The following SLC12A9 variants were observed in gnomAD, a reference collection of about 807,000 sequenced individuals.
The protein encoded by SLC12A9 is solute carrier family 12 member 9, also known as CCC-interacting protein 1.
A neutral mutation model predicts 66.0 loss-of-function variants in SLC12A9; 55 were observed. The observed-to-expected ratio is 0.83, with a 90% CI of 0.67 to 1.04. The LOEUF is 1.04. Ranked by LOEUF, SLC12A9 falls within the 50% of genes least tolerant of loss-of-function variation. SLC12A9 has a pLI of 0.00. For synonymous variants in SLC12A9, 577 were observed against 569.0 expected (o/e 1.01, Z -0.20); for missense variants, 1,061 against 1,241.9 (o/e 0.85, Z 2.19).
At chr7:100,852,053 G>T (rs1374138581), upstream of SLC12A9, among the ~76,000 whole-genome samples, 1 of 152,190 alleles carries the variant, frequency 6.6e-6, no homozygotes, top group Non-Finnish European at 1.5e-5. Context: ...CTGTTCATGG[G>T]ATCTGTAAAG....
intron 1 of SLC12A9, chr7:100,827,059 A>G: frequency 6.4e-7 from 1 of 1,565,228 alleles, no homozygotes; most frequent in Middle Eastern, 1.7e-4. Context: ...TAGGATCCGA[A>G]CTGAGTTTGG....
intron 3 of SLC12A9, 86 bp from the exon 4 acceptor site, chr7:100,855,620 T>C: frequency 6.3e-7 from 1 of 1,588,332 alleles, no homozygotes; most frequent in Non-Finnish European, 8.6e-7. Flanking sequence ...CTGGCTGCAC[T>C]TGGGTTCAGT....
At chr7:100,859,399 A>C in intron 7 of SLC12A9, 1 of 550,618 alleles carries the variant, frequency 1.8e-6, no homozygotes, top group Non-Finnish European at 3.3e-6. Context: ...TTCCACAAAT[A>C]TTTGGCCTCT....
chr7:100,855,412 G>T, intron 3 of SLC12A9: 1 of 347,264 alleles, frequency 2.9e-6, no homozygotes, highest in East Asian at 8.7e-5. Context: ...GTCAGCCACT[G>T]TGCCTGGCCT....
intron 1 of SLC12A9, among the ~76,000 whole-genome samples, chr7:100,832,857 C>G (rs1432255628): frequency 6.6e-6 from 1 of 151,990 alleles, no homozygotes; most frequent in East Asian, 1.9e-4. Flanking sequence ...CTCACTGCAG[C>G]CTCGAACTCC....
chr7:100,860,403 G>A (rs773677706), intron 9 of SLC12A9, 171 bp downstream of exon 9: 17 of 691,272 alleles, frequency 2.5e-5, no homozygotes, highest in Non-Finnish European at 4.1e-5. Flanking sequence ...CCAGCACCTT[G>A]CAGGTTGCCC....
upstream of SLC12A9, among the ~76,000 whole-genome samples, chr7:100,849,981 T>C (rs1328056662): frequency 1.3e-5 from 2 of 151,896 alleles, no homozygotes; most frequent in African/African-American, 4.8e-5. Flanking sequence ...CAAGTGATTC[T>C]CCCACGTCAG....
chr7:100,828,925 G>A (rs553486798), intron 1 of SLC12A9, among the ~76,000 whole-genome samples: 1 of 152,114 alleles, frequency 6.6e-6, no homozygotes, highest in African/African-American at 2.4e-5. Context: ...GCTGCTCCAG[G>A]AGTCAGCCCC....
At chr7:100,831,577 G>A (rs371467455) in intron 1 of SLC12A9, among the ~76,000 whole-genome samples, 6 of 152,166 alleles carry the variant, frequency 3.9e-5, no homozygotes, top group Admixed American at 6.5e-5. Flanking sequence ...TCCTGGGCTC[G>A]AGCAATCTTT....
At position 100,854,384 on chromosome 7, in the gene SLC12A9, T is replaced by G. The variant is rs750614712; in HGVS notation, c.181+6T>G. 6.2e-7 allele frequency: 1 copy of G among 1,612,636 alleles called. No homozygotes were observed. Among genetic ancestry groups the G allele is most frequent in the South Asian group, 1.1e-5 (1 of 90,952 alleles). On this transcript the variant is annotated splice_donor_region_variant and intron_variant, in intron 2 of 13. Coordinates refer to ENST00000354161, the MANE Select transcript of SLC12A9 (RefSeq NM_020246.4). ...AGTTGTTTTTCTGAGGATTGGTGAGTGGGTCCTGGGGCGGGTGTGGACTGA... is the reference window on the plus strand; with the variant it reads ...AGTTGTTTTTCTGAGGATTGGTGAGGGGGTCCTGGGGCGGGTGTGGACTGA...
chr7:100,846,911 A>G (rs1475920832), intron 1 of SLC12A9, among the ~76,000 whole-genome samples: 1 of 152,180 alleles, frequency 6.6e-6, no homozygotes, highest in Non-Finnish European at 1.5e-5. Flanking sequence ...TAGACATTGT[A>G]TAGAAAAGCA....
chr7:100,840,537 C>T (rs1353883584), intron 1 of SLC12A9, among the ~76,000 whole-genome samples: 1 of 151,730 alleles, frequency 6.6e-6, no homozygotes, highest in African/African-American at 2.4e-5. Context: ...AGAACAGCAG[C>T]ATAAGTGGCT....
At chr7:100,848,748 T>G (rs1275023516), upstream of SLC12A9, among the ~76,000 whole-genome samples, 1 of 151,544 alleles carries the variant, frequency 6.6e-6, no homozygotes, top group East Asian at 2.0e-4. Context: ...TAGCCGTGCG[T>G]GGTGGCGGGA....
Position 100,861,155 on chromosome 7 carries a change from G to A in SLC12A9, c.1236G>A (p.Gly412=), listed in dbSNP as rs1333235187. Residue 412 remains glycine, a synonymous_variant, in exon 10 of 14, where the codon GGG becomes GGA. Coordinates refer to ENST00000354161, the MANE Select transcript of SLC12A9 (RefSeq NM_020246.4). This position sits in a 1 kb window ranked among gnomAD's most constrained non-coding sequence, Gnocchi z 5.3. ...WGLVQLVLLA[G]KLNTLAAVVT... Reference sequence around the variant, plus strand: ...TTGCCCAGCTGGTGCTCCTGGCTGGGAAGCTGAACACACTGGCTGCTGTGG... The same window carrying A: ...TTGCCCAGCTGGTGCTCCTGGCTGGAAAGCTGAACACACTGGCTGCTGTGG... The A allele has an allele frequency of 1.2e-6, 2 of 1,614,214 alleles. No individual in the cohort carries two copies. The highest frequency in any genetic ancestry group is 1.7e-6 in the Non-Finnish European group (2 of 1,180,040).
intron 1 of SLC12A9, among the ~76,000 whole-genome samples, chr7:100,832,368 T>C (rs1813560380): frequency 6.6e-6 from 1 of 151,816 alleles, no homozygotes. Flanking sequence ...AAAAAATAGC[T>C]GGGCGTGGTG....
chr7:100,861,796 C>T lies in SLC12A9; in HGVS notation c.1596C>T (p.Pro532=). ...VRKDHVKFWR[P]QLLLLVGNPR... ...AGGATCACGTGAAGTTCTGGCGGCC[C>T]CAGCTGCTGCTCCTGGTGGGGAACC... Residue 532 remains proline, a synonymous_variant, in exon 12 of 14, where the codon CCC becomes CCT. Coordinates refer to ENST00000354161, the MANE Select transcript of SLC12A9 (RefSeq NM_020246.4). The surrounding 1 kb of genome is among the most constrained non-coding windows in gnomAD (Gnocchi z 5.3). 1 of 1,614,110 alleles carries T rather than the reference C, an allele frequency of 6.2e-7. No individual in the cohort carries two copies. Among genetic ancestry groups the T allele is most frequent in the East Asian group, 2.2e-5 (1 of 44,874 alleles).
intron 1 of SLC12A9, among the ~76,000 whole-genome samples, chr7:100,836,826 C>T (rs1475423689): frequency 7.5e-6 from 1 of 134,002 alleles, no homozygotes; most frequent in East Asian, 2.1e-4. Context: ...GCAGATTCAC[C>T]AGACTTAATC....
At chr7:100,842,915 C>T (rs55772336) in intron 1 of SLC12A9, among the ~76,000 whole-genome samples, 7,155 of 152,304 alleles carry the variant, frequency 0.047, 577 homozygotes, top group African/African-American at 0.16. Context: ...AGTCTGGCAC[C>T]CTGCGGGTCA....
In SLC12A9 at chr7:100,866,492, G is replaced by A; in HGVS notation, c.2632G>A (p.Ala878Thr). 1 of 1,559,024 alleles carries A rather than the reference G, an allele frequency of 6.4e-7. No individual in the cohort carries two copies. The highest frequency in any genetic ancestry group is 2.4e-5 in the East Asian group (1 of 41,868). ...CTTCCTGTACTTGCCTCGGCCGCCA[G>A]CCGATCCCGCCCGATACCCCCGCTA... ...LTFLYLPRPP[A>T]DPARYPRYLA... Residue 878 changes from alanine (A) to threonine (T), a missense_variant, in exon 14 of 14, where the codon GCC becomes ACC. By Grantham distance (58) the Ala-to-Thr change is moderately conservative. Transcript: ENST00000354161. This position sits in a 1 kb window ranked among gnomAD's most constrained non-coding sequence, Gnocchi z 7.3.
Sources: allele counts gnomAD v4.1 joint callset (sites outside exome capture counted in the v4.1 genomes callset), GRCh38; gene constraint gnomAD v4.1.1; non-coding constraint Gnocchi (gnomAD v3.1); transcripts MANE v1.5; gene names NCBI Gene and HGNC (gene_info 2026-07-23, HGNC 2026-07-21).